MTURN: variants seen among roughly 807,000 people sequenced by gnomAD.
MTURN encodes maturin.
MTURN carries 7 observed loss-of-function variants against 14.9 expected under a neutral mutation model. The ratio of observed to expected loss-of-function variants is 0.47; its 90% CI spans 0.27 to 0.88. The LOEUF is 0.88. Among genes scored for constraint, MTURN ranks in the 40% least tolerant of loss-of-function variants. The pLI is 0.14. For missense variants in MTURN, 151 were observed against 174.1 expected (o/e 0.87, Z 0.75); for synonymous variants, 69 against 72.5 (o/e 0.95, Z 0.25).
intron 1 of MTURN, among the ~76,000 whole-genome samples, chr7:30,139,884 G>C (rs560929733): frequency 6.1e-4 from 93 of 152,266 alleles, no homozygotes; most frequent in African/African-American, 2.2e-3. Flanking sequence ...GTGAAACAAA[G>C]CTGCTAGTGC....
chr7:30,143,412 C>T (rs929166517), intron 1 of MTURN, among the ~76,000 whole-genome samples: 1 of 142,582 alleles, frequency 7.0e-6, no homozygotes. Flanking sequence ...TGTCTTGTAT[C>T]TCGTGATACC....
chr7:30,148,317 G>C (rs1797157947), intron 2 of MTURN, among the ~76,000 whole-genome samples: 1 of 152,242 alleles, frequency 6.6e-6, no homozygotes, highest in South Asian at 2.1e-4. Flanking sequence ...CCTGTGTCCA[G>C]GGAGCAGGAG....
intron 2 of MTURN, among the ~76,000 whole-genome samples, chr7:30,153,323 C>T (rs887754929): frequency 1.3e-5 from 2 of 152,170 alleles, no homozygotes; most frequent in Admixed American, 1.3e-4. Flanking sequence ...CAGTCTATTT[C>T]TGGTGCTTTC....
At chr7:30,146,135 G>A in intron 1 of MTURN, 42 bp from the exon 2 acceptor site, 1 of 1,612,508 alleles carries the variant, frequency 6.2e-7, no homozygotes, top group African/African-American at 1.3e-5. Flanking sequence ...TGTAGTGACT[G>A]TGTGTCTTTG....
At chr7:30,145,790 A>G (rs1583506111) in intron 1 of MTURN, 1 of 1,490,108 alleles carries the variant, frequency 6.7e-7, no homozygotes, top group Non-Finnish European at 8.9e-7. Flanking sequence ...CCGTAGCTGA[A>G]AGCAAAGTTA....
At chr7:30,151,587 T>C (rs1428770324) in intron 2 of MTURN, among the ~76,000 whole-genome samples, 9 of 152,246 alleles carry the variant, frequency 5.9e-5, no homozygotes, top group African/African-American at 1.9e-4. Context: ...ATCTTTGCCC[T>C]TTCGAATTCT....
At chr7:30,139,318 C>T in intron 1 of MTURN, among the ~76,000 whole-genome samples, 1 of 152,210 alleles carries the variant, frequency 6.6e-6, no homozygotes, top group African/African-American at 2.4e-5. Flanking sequence ...AGTACTCTCA[C>T]ATAATTATAT....
At chr7:30,135,990 ACACCCT>A (rs974194541) in intron 1 of MTURN, among the ~76,000 whole-genome samples, 2 of 151,794 alleles carry the variant, frequency 1.3e-5, no homozygotes, top group East Asian at 2.0e-4. Context: ...ACACATGCTC[ACACCCT>A]CACCCTCACA....
At chr7:30,145,803 G>A (rs1448307730) in intron 1 of MTURN, 2 of 1,510,858 alleles carry the variant, frequency 1.3e-6, no homozygotes, top group Middle Eastern at 4.0e-4. Flanking sequence ...CAAAGTTAAG[G>A]ATTTTGAAGG....
chr7:30,141,852 A>G (rs1282001876), intron 1 of MTURN, among the ~76,000 whole-genome samples: 2 of 152,150 alleles, frequency 1.3e-5, no homozygotes, highest in Non-Finnish European at 2.9e-5. Context: ...AGACACACCA[A>G]TTCAAAATGG....
chr7:30,137,725 G>C (rs1259686154), intron 1 of MTURN: 1 of 470,050 alleles, frequency 2.1e-6, no homozygotes, highest in South Asian at 1.6e-5. Context: ...CCTCTAATAA[G>C]TGTCCTGCCT....
In MTURN at chr7:30,159,142, T is replaced by C. The variant is rs1797331894; in HGVS notation, c.*1594T>C. ...TTCCATCTGTGCTTCAGTACCCACT[T>C]TGTGTTCTTTTCTTGAAAAGTCATA... On this transcript the variant is annotated 3_prime_UTR_variant, in exon 3 of 3. Transcript: ENST00000324453. The C allele has an allele frequency of 6.6e-6, 1 of 152,250 alleles. No homozygotes were observed. Among genetic ancestry groups the C allele is most frequent in the Non-Finnish European group, 1.5e-5 (1 of 68,042 alleles). The allele number at this position is 152,250 out of a possible 1,614,324, so 9.4% of individuals were successfully genotyped here.
At chr7:30,142,584 T>C (rs1797067725) in intron 1 of MTURN, among the ~76,000 whole-genome samples, 3 of 152,204 alleles carry the variant, frequency 2.0e-5, no homozygotes, top group Non-Finnish European at 2.9e-5. Context: ...GTTCATTAGC[T>C]AAATAAACTG....
At chr7:30,145,225 C>G (rs1484578755) in intron 1 of MTURN, among the ~76,000 whole-genome samples, 1 of 152,108 alleles carries the variant, frequency 6.6e-6, no homozygotes, top group Non-Finnish European at 1.5e-5. Context: ...AAAAATAAAA[C>G]CTAGACTGGG....
chr7:30,148,072 T>C (rs1466157639), intron 2 of MTURN, among the ~76,000 whole-genome samples: 5 of 152,148 alleles, frequency 3.3e-5, no homozygotes, highest in African/African-American at 1.2e-4. Flanking sequence ...ACACACGTAA[T>C]GTCGTGAAAT....
intron 1 of MTURN, among the ~76,000 whole-genome samples, chr7:30,136,271 C>T (rs902943494): frequency 2.0e-5 from 3 of 152,092 alleles, no homozygotes; most frequent in African/African-American, 4.8e-5. Context: ...CCGACTCTGG[C>T]AGTTGAGGAA....
At chr7:30,145,723 T>A in intron 1 of MTURN, 1 of 1,142,408 alleles carries the variant, frequency 8.8e-7, no homozygotes, top group Non-Finnish European at 1.2e-6. Flanking sequence ...CCGATCTGGG[T>A]AAAGAATGTC....
chr7:30,144,013 A>G (rs1314089211), intron 1 of MTURN, among the ~76,000 whole-genome samples: 3 of 152,264 alleles, frequency 2.0e-5, no homozygotes, highest in African/African-American at 7.2e-5. Flanking sequence ...CAGTGCTCTC[A>G]GTGAGTCACA....
At chr7:30,140,415 G>GTATATATATATATATATATA (rs767262743) in intron 1 of MTURN, among the ~76,000 whole-genome samples, 9 of 143,728 alleles carry the variant, frequency 6.3e-5, no homozygotes, top group South Asian at 2.3e-4. Context: ...GTGTGTGTGT[G>GTATATATATATATATATATA]TATCCCCATT....
Sources: allele counts gnomAD v4.1 joint callset (sites outside exome capture counted in the v4.1 genomes callset), GRCh38; gene constraint gnomAD v4.1.1; transcripts MANE v1.5; gene names NCBI Gene and HGNC (gene_info 2026-07-23, HGNC 2026-07-21).